The following SCAPER variants were observed in gnomAD, a reference collection of about 807,000 sequenced individuals.
SCAPER encodes S-phase cyclin A associated protein in the ER, also known as S phase cyclin A-associated protein in the endoplasmic reticulum.
Under a neutral mutation model 182.2 loss-of-function variants are expected in SCAPER, and 98 were observed. The observed-to-expected ratio is 0.54, with a 90% CI of 0.46 to 0.64. SCAPER has a LOEUF of 0.64. Among genes scored for constraint, SCAPER ranks in the 30% least tolerant of loss-of-function variants. The probability of loss-of-function intolerance (pLI) is 0.00; values close to 1 mark genes in which losing one functional copy is unlikely to be tolerated. For missense variants in SCAPER, 1,432 were observed against 1,690.0 expected (o/e 0.85, Z 2.68); for synonymous variants, 605 against 564.6 (o/e 1.07, Z -1.01).
Position 76,804,595 on chromosome 15 carries a change from G to A in SCAPER, c.432C>T (p.Phe144=). The A allele has an allele frequency of 1.9e-6, 3 of 1,610,960 alleles. No individual in the cohort carries two copies. The highest frequency in any genetic ancestry group is 2.5e-6 in the Non-Finnish European group (3 of 1,179,188). The change falls in exon 6 of 32, where the codon TTC becomes TTT. Residue 144 remains phenylalanine, a synonymous_variant. Transcript: ENST00000563290. ...LMMLDNYVRD[F]KALIDWIQLQ... ...GCTGAATCCAGTCAATCAATGCTTT[G>A]AAATCTCTTACATAGTTATCCAGCA... is the stretch of plus-strand genomic sequence containing the variant.
intron 26 of SCAPER, among the ~76,000 whole-genome samples, chr15:76,409,604 G>A (rs991224146): frequency 2.7e-5 from 4 of 148,898 alleles, no homozygotes; most frequent in African/African-American, 1.0e-4. Flanking sequence ...ATGTACCCCC[G>A]AATCTATTAA....
At chr15:76,740,138 C>G (rs2061466249) in intron 15 of SCAPER, among the ~76,000 whole-genome samples, 1 of 152,174 alleles carries the variant, frequency 6.6e-6, no homozygotes, top group Non-Finnish European at 1.5e-5. Context: ...TGCACTTCAG[C>G]CTGGGTGATA....
chr15:76,614,353 C>T (rs1432727882), intron 22 of SCAPER, among the ~76,000 whole-genome samples: 1 of 152,066 alleles, frequency 6.6e-6, no homozygotes, highest in East Asian at 1.9e-4. Flanking sequence ...CACAAGTTTA[C>T]TACCTATGTA....
chr15:76,677,634 AAAT>A (rs1319198706), intron 20 of SCAPER, among the ~76,000 whole-genome samples: 3 of 151,542 alleles, frequency 2.0e-5, no homozygotes, highest in Admixed American at 6.6e-5. Context: ...CTATAGTTTA[AAAT>A]AATAATAATG....
chr15:76,561,481 A>G (rs1167075457), intron 23 of SCAPER, among the ~76,000 whole-genome samples: 1 of 152,110 alleles, frequency 6.6e-6, no homozygotes, highest in Non-Finnish European at 1.5e-5. Flanking sequence ...TAGGATTATA[A>G]AAATTTTTTT....
At chr15:76,492,737 T>G (rs1237611389) in intron 24 of SCAPER, among the ~76,000 whole-genome samples, 2 of 152,054 alleles carry the variant, frequency 1.3e-5, no homozygotes, top group Non-Finnish European at 2.9e-5. Context: ...GAAAATGTCC[T>G]CTCAGCAAAA....
chr15:76,454,985 A>C (rs774244078), intron 25 of SCAPER, among the ~76,000 whole-genome samples: 2 of 152,152 alleles, frequency 1.3e-5, no homozygotes, highest in African/African-American at 2.4e-5. Context: ...TTTCAAATGC[A>C]CTGGTATAAA....
intron 16 of SCAPER, among the ~76,000 whole-genome samples, chr15:76,731,239 T>A (rs558783197): frequency 6.6e-6 from 1 of 152,252 alleles, no homozygotes; most frequent in Admixed American, 6.5e-5. Context: ...CAGAAGAACC[T>A]CTCAGACCCC....
chr15:76,464,007 C>T (rs202113085), intron 25 of SCAPER, among the ~76,000 whole-genome samples: 581 of 120,292 alleles, frequency 4.8e-3, no homozygotes, highest in East Asian at 6.8e-3. Flanking sequence ...TTTCACTGGT[C>T]TTTTTTTTTT....
chr15:76,699,117 G>C (rs1404755074), intron 20 of SCAPER, among the ~76,000 whole-genome samples: 1 of 152,128 alleles, frequency 6.6e-6, no homozygotes, highest in South Asian at 2.1e-4. Flanking sequence ...TTCATTTTGT[G>C]TCCTGAAACT....
chr15:76,699,179 T>C (rs1422407597), intron 20 of SCAPER, among the ~76,000 whole-genome samples: 1 of 152,174 alleles, frequency 6.6e-6, no homozygotes, highest in Non-Finnish European at 1.5e-5. Flanking sequence ...CCCTTTTAGG[T>C]TTTCCAGGTA....
At chr15:76,795,612 T>C (rs968710687) in intron 7 of SCAPER, among the ~76,000 whole-genome samples, 172 bp from the exon 8 acceptor site, 5 of 152,188 alleles carry the variant, frequency 3.3e-5, no homozygotes, top group Non-Finnish European at 7.4e-5. Flanking sequence ...CTTGATCTAA[T>C]ACTTCATTAA....
chr15:76,802,341 A>G (rs1598814573), intron 6 of SCAPER, among the ~76,000 whole-genome samples: 1 of 151,822 alleles, frequency 6.6e-6, no homozygotes, highest in African/African-American at 2.4e-5. Context: ...AACCTATTTT[A>G]CTCTGCTTAT....
intron 29 of SCAPER, among the ~76,000 whole-genome samples, chr15:76,358,985 T>C (rs1266207866): frequency 1.3e-5 from 2 of 152,198 alleles, no homozygotes; most frequent in African/African-American, 2.4e-5. Flanking sequence ...ACTTAACTAA[T>C]TTGAGCCTTA....
At chr15:76,680,895 A>ATTT (rs2057664916) in intron 20 of SCAPER, among the ~76,000 whole-genome samples, 1 of 152,248 alleles carries the variant, frequency 6.6e-6, no homozygotes, top group South Asian at 2.1e-4. Flanking sequence ...GAAGCAACAC[A>ATTT]AAAACATACT....
intron 2 of SCAPER, among the ~76,000 whole-genome samples, chr15:76,875,494 C>T (rs567086109): frequency 1.2e-4 from 18 of 152,106 alleles, no homozygotes; most frequent in African/African-American, 4.3e-4. Context: ...AAATACAAAA[C>T]TTAGCGGGCG....
chr15:76,348,023 T>C lies in SCAPER; in HGVS notation c.*610A>G, dbSNP rs909551615. On this transcript the variant is annotated 3_prime_UTR_variant, in exon 32 of 32. Transcript: ENST00000563290. ...CACTAATTTTTCCTTAGGAGAGTAA[T>C]TTCAGCTCGGCAATGCCAAGAGAGG... 4 of 152,228 alleles carry C rather than the reference T, an allele frequency of 2.6e-5. No individual in the cohort carries two copies. Among genetic ancestry groups the C allele is most frequent in the African/African-American group, 9.6e-5 (4 of 41,458 alleles). The allele number at this position is 152,228 out of a possible 1,614,324, so 9.4% of individuals were successfully genotyped here.
At chr15:76,860,213 A>G (rs2071766234) in intron 3 of SCAPER, among the ~76,000 whole-genome samples, 1 of 152,190 alleles carries the variant, frequency 6.6e-6, no homozygotes, top group Non-Finnish European at 1.5e-5. Flanking sequence ...TAACCCATGG[A>G]AAATGAGAGA....
chr15:76,404,076 G>A (rs577695357), intron 27 of SCAPER, among the ~76,000 whole-genome samples: 136 of 152,300 alleles, frequency 8.9e-4, no homozygotes, highest in Middle Eastern at 6.8e-3. Flanking sequence ...AAGTACTCTG[G>A]AAGAAGGGAC....
Sources: gnomAD v4.1 joint callset for allele counts (sites outside exome capture counted in the v4.1 genomes callset) on GRCh38, gnomAD v4.1.1 for gene constraint, MANE v1.5 for transcripts, NCBI Gene and HGNC (gene_info 2026-07-23, HGNC 2026-07-21) for gene names.